VGLL4: variants seen among roughly 807,000 people sequenced by gnomAD.
VGLL4 encodes the protein vestigial like family member 4, also known as transcription cofactor vestigial-like protein 4.
In VGLL4, 7 loss-of-function variants were observed where a neutral mutation model predicts 21.0. That is an observed-to-expected ratio of 0.33 (90% CI 0.19 to 0.63). The LOEUF (loss-of-function observed/expected upper bound fraction) is 0.63. Ranked by LOEUF, VGLL4 falls within the 20% of genes least tolerant of loss-of-function variation. The pLI, the probability that VGLL4 is intolerant of heterozygous loss-of-function variation, is 0.78. For missense variants in VGLL4, 394 were observed against 425.7 expected (o/e 0.93, Z 0.66); for synonymous variants, 222 against 173.2 (o/e 1.28, Z -2.21).
chr3:11,716,302 C>CAAAA (rs554449676), intron 1 of VGLL4, among the ~76,000 whole-genome samples: 6 of 61,012 alleles, frequency 9.8e-5, no homozygotes, highest in Non-Finnish European at 2.5e-4. Context: ...AACTCTGTCT[C>CAAAA]AAAAAAAAAA....
chr3:11,682,035 G>T (rs1346890651), intron 2 of VGLL4, among the ~76,000 whole-genome samples: 1 of 152,214 alleles, frequency 6.6e-6, no homozygotes, highest in African/African-American at 2.4e-5. Context: ...CAAGTGGGTG[G>T]ATCACTTGAG....
chr3:11,571,840 C>T (rs775984279), intron 2 of VGLL4, among the ~76,000 whole-genome samples: 23 of 152,304 alleles, frequency 1.5e-4, no homozygotes, highest in Non-Finnish European at 3.2e-4. Flanking sequence ...GGCACAGTGG[C>T]TCACACCTGT....
At chr3:11,595,669 A>C in intron 2 of VGLL4, among the ~76,000 whole-genome samples, 1 of 152,162 alleles carries the variant, frequency 6.6e-6, no homozygotes, top group East Asian at 1.9e-4. Flanking sequence ...AAAAATGATG[A>C]GTTTATGTCC....
chr3:11,702,608 G>A (rs2076697477), intron 2 of VGLL4: 1 of 152,670 alleles, frequency 6.6e-6, no homozygotes. Flanking sequence ...CAGTCTGGGT[G>A]ACAGAGTGAG....
intron 1 of VGLL4, among the ~76,000 whole-genome samples, chr3:11,624,591 AG>A (rs1489636714): frequency 6.6e-6 from 1 of 152,072 alleles, no homozygotes; most frequent in African/African-American, 2.4e-5. Flanking sequence ...CCCATGCCTC[AG>A]TTTCCCCATA....
At chr3:11,632,978 C>G (rs9863569) in intron 1 of VGLL4, 59,564 of 152,098 alleles carry the variant, frequency 0.39, 12,668 homozygotes, top group Non-Finnish European at 0.5. Context: ...AATCAAGCAG[C>G]CAACTTCAAA....
rs1001141845 is a variant in VGLL4 at position 11,581,297 on chromosome 3, C to T, written c.273-16278G>A. On this transcript the variant is annotated intron_variant, in intron 2 of 4. Coordinates refer to ENST00000430365, the MANE Select transcript of VGLL4 (RefSeq NM_001128219.3). ...GATCAGGCTGGCCTCAAACTCCTGA[C>T]CTCAGGTGATCTGCCTGCCTCGGCC... is the stretch of plus-strand genomic sequence containing the variant. 3.9e-5 allele frequency among the ~76,000 whole-genome samples: 6 copies of T among 152,136 alleles called. No individual in the cohort carries two copies. In the South Asian group the frequency reaches 1.2e-3, roughly 32 times the overall value.
At chr3:11,578,266 G>C (rs2074112771) in intron 2 of VGLL4, among the ~76,000 whole-genome samples, 1 of 152,070 alleles carries the variant, frequency 6.6e-6, no homozygotes, top group Non-Finnish European at 1.5e-5. Context: ...TTTCAGCTTT[G>C]TGACCCCATA....
chr3:11,663,658 C>G (rs1303262177), intron 2 of VGLL4, among the ~76,000 whole-genome samples: 1 of 152,098 alleles, frequency 6.6e-6, no homozygotes, highest in African/African-American at 2.4e-5. Context: ...ACAGTGGTTG[C>G]AGTAAGCCGA....
intron 1 of VGLL4, among the ~76,000 whole-genome samples, chr3:11,608,014 AG>A (rs2074983496): frequency 6.6e-6 from 1 of 152,212 alleles, no homozygotes; most frequent in South Asian, 2.1e-4. Flanking sequence ...CAAGGGTGGG[AG>A]GCAAAAGCAC....
chr3:11,574,781 ATATATGTG>A (rs1409112861), intron 2 of VGLL4, among the ~76,000 whole-genome samples: 7 of 121,014 alleles, frequency 5.8e-5, no homozygotes, highest in African/African-American at 1.3e-4. Context: ...CAATTCAACT[ATATATGTG>A]TGTGTGTGTG....
intron 2 of VGLL4, among the ~76,000 whole-genome samples, chr3:11,673,001 C>G (rs1333336901): frequency 6.6e-6 from 1 of 152,192 alleles, no homozygotes; most frequent in Non-Finnish European, 1.5e-5. Flanking sequence ...GACCAGCCCA[C>G]AACAAAAGAC....
Position 11,568,131 on chromosome 3 carries a change from G to A in VGLL4, c.273-3112C>T, listed in dbSNP as rs1056061757. ...GCTCCCAAGTGACAGCTCTGGATCC[G>A]GGCAAGGATAAAGACACCCCCGGGT... On this transcript the variant is annotated intron_variant, in intron 2 of 4. Coordinates refer to ENST00000430365, the MANE Select transcript of VGLL4 (RefSeq NM_001128219.3). The surrounding 1 kb of genome is among the most constrained non-coding windows in gnomAD (Gnocchi z 5.9). Among the ~76,000 whole-genome samples, 1 of 152,170 alleles carries A rather than the reference G, an allele frequency of 6.6e-6. No homozygotes were observed. The highest frequency in any genetic ancestry group is 1.9e-4 in the East Asian group (1 of 5,182).
chr3:11,594,037 A>G (rs7638595), intron 2 of VGLL4, among the ~76,000 whole-genome samples: 78,895 of 152,178 alleles, frequency 0.52, 22,912 homozygotes, highest in Non-Finnish European at 0.68. Flanking sequence ...GCCTGCTCCA[A>G]CGGGAACGTG....
chr3:11,619,191 G>C (rs773468612), intron 1 of VGLL4, among the ~76,000 whole-genome samples: 2 of 152,218 alleles, frequency 1.3e-5, no homozygotes, highest in Non-Finnish European at 2.9e-5. Context: ...GTACAGCTGA[G>C]CTCGGGTGAG....
chr3:11,624,300 C>T (rs894683685), intron 1 of VGLL4, among the ~76,000 whole-genome samples: 1 of 152,202 alleles, frequency 6.6e-6, no homozygotes, highest in East Asian at 1.9e-4. Flanking sequence ...TCAGCCAACA[C>T]CACATCAGAC....
intron 2 of VGLL4, among the ~76,000 whole-genome samples, chr3:11,657,709 C>A (rs535245005): frequency 6.6e-6 from 1 of 152,218 alleles, no homozygotes; most frequent in South Asian, 2.1e-4. Flanking sequence ...ACCCTTTCAC[C>A]CATAAAAGTT....
chr3:11,661,499 C>T (rs750274527), intron 2 of VGLL4, among the ~76,000 whole-genome samples: 1 of 148,754 alleles, frequency 6.7e-6, no homozygotes, highest in Non-Finnish European at 1.5e-5. Context: ...GAGAGGAAGT[C>T]TTATTCTATT....
Position 11,573,241 on chromosome 3 carries a change from A to AAG in VGLL4, c.273-8223_273-8222insCT, listed in dbSNP as rs67676371. On this transcript the variant is annotated intron_variant, in intron 2 of 4. Transcript: ENST00000430365. ...GAGAAAGACAGACAGAAAGAAAAGA[A>AAG]ATAGAGAAAGAAAGAAAGAAAGAAA... is the stretch of plus-strand genomic sequence containing the variant. 7.8e-5 allele frequency among the ~76,000 whole-genome samples: 9 copies of AAG among 115,692 alleles called. 1 individual carries two copies. The highest frequency in any genetic ancestry group is 3.4e-4 in the African/African-American group (9 of 26,832). The allele number at this position is 115,692 out of a possible 152,430, so 75.9% of individuals were successfully genotyped here. A position where few individuals can be genotyped will look rare whatever the true frequency, so the allele number is the denominator to read the frequency against.
Sources: gnomAD v4.1 joint callset for allele counts (sites outside exome capture counted in the v4.1 genomes callset) on GRCh38, gnomAD v4.1.1 for gene constraint, Gnocchi (gnomAD v3.1) non-coding constraint, MANE v1.5 for transcripts, NCBI Gene and HGNC (gene_info 2026-07-23, HGNC 2026-07-21) for gene names.